Variants in THOC5 observed in about 807,000 individuals in gnomAD.
THOC5 encodes the protein Fms-interacting protein.
A neutral mutation model predicts 92.9 loss-of-function variants in THOC5; 43 were observed. That is an observed-to-expected ratio of 0.46 (90% CI 0.36 to 0.60). The LOEUF (loss-of-function observed/expected upper bound fraction) is 0.60, where lower values mean the gene tolerates loss of function less well. THOC5 is among the 20% of genes least tolerant of loss of function. THOC5 has a pLI of 0.00. For missense variants in THOC5, 659 were observed against 849.4 expected, an observed-to-expected ratio of 0.78 and a Z score of 2.79; for synonymous variants, 296 against 320.1, an observed-to-expected ratio of 0.92 and a Z score of 0.80.
chr22:29,528,108 G>C lies in THOC5; in HGVS notation c.1036C>G (p.Leu346Val). Residue 346 changes from leucine (L) to valine (V), a missense_variant, in exon 11 of 20, where the codon CTG becomes GTG. Leu to Val is a conservative substitution (Grantham distance 32, BLOSUM62 1). Transcript: ENST00000490103. The part of the protein sequence containing the change: ...KRKEMLKRHP[L>V]SVMLDLKCKD... ...CACTTCAGGTCGAGCATGACAGACA[G>C]TGGGTGCCTCTTCAGCATCTCCTTG... The C allele has an allele frequency of 6.2e-7, 1 of 1,614,206 alleles. No homozygotes were observed. The highest frequency in any genetic ancestry group is 8.5e-7 in the Non-Finnish European group (1 of 1,180,030).
intron 2 of THOC5, 63 bp from the exon 3 acceptor site, chr22:29,544,666 G>C (rs1467809587): frequency 1.4e-6 from 2 of 1,439,260 alleles, no homozygotes; most frequent in Admixed American, 4.9e-5. Flanking sequence ...TGGGATCAGG[G>C]ACACTTGGCT....
chr22:29,552,424 C>A (rs1409643225), intron 1 of THOC5, among the ~76,000 whole-genome samples: 1 of 151,818 alleles, frequency 6.6e-6, no homozygotes, highest in Non-Finnish European at 1.5e-5. Flanking sequence ...AGGAGCACCT[C>A]TGCCCGGCTG....
chr22:29,549,058 G>A lies in THOC5; in HGVS notation c.90C>T (p.Thr30=), dbSNP rs565641023. ...CAACCCTGACTGATCTCACCTGCTC[G>A]GTGTCAGATCGATTCCGCTTTCCTT... ...PAEGKRNRSD[T]EQEGKYYSEE... The change falls in exon 2 of 20, where the codon ACC becomes ACT. Residue 30 remains threonine, a synonymous_variant. Transcript: ENST00000490103. The A allele has an allele frequency of 1.4e-5, 23 of 1,613,968 alleles. No individual in the cohort carries two copies. In the East Asian group the frequency reaches 1.8e-4, roughly 13 times the overall value.
chr22:29,514,445 T>C (rs1323178499), intron 17 of THOC5, among the ~76,000 whole-genome samples: 3 of 149,390 alleles, frequency 2.0e-5, no homozygotes, highest in Non-Finnish European at 3.0e-5. Flanking sequence ...CCCTCCCGAG[T>C]AGCTGGGACT....
rs553994301 is a variant in THOC5, at chr22:29,507,168, T to C, written c.*1289A>G. The C allele has an allele frequency of 2.0e-5, 3 of 152,122 alleles. No individual in the cohort carries two copies. Among genetic ancestry groups the C allele is most frequent in the Admixed American group, 6.6e-5 (1 of 15,250 alleles). 9.4% of individuals were successfully genotyped at this position (152,122 alleles called of 1,614,324 possible). On this transcript the variant is annotated 3_prime_UTR_variant, in exon 20 of 20. Coordinates refer to ENST00000490103, the MANE Select transcript of THOC5 (RefSeq NM_003678.5). ...TTACAGTCATGAGTCCCTGCACAGA[T>C]TTTGTTCAATAAAAATAACAGTGGT...
chr22:29,508,877 C>T (rs1473908338), intron 19 of THOC5, among the ~76,000 whole-genome samples: 3 of 151,808 alleles, frequency 2.0e-5, no homozygotes, highest in African/African-American at 7.3e-5. Flanking sequence ...CTCACTGCAA[C>T]CCCTGCTTCC....
At chr22:29,544,720 C>T (rs2063978476) in intron 2 of THOC5, 117 bp from the exon 3 acceptor site, 1 of 1,074,016 alleles carries the variant, frequency 9.3e-7, no homozygotes, top group East Asian at 2.7e-5. Flanking sequence ...AAGCCTCAGT[C>T]AGGTCTCTAA....
At chr22:29,523,062 C>T (rs2063476059) in intron 12 of THOC5, among the ~76,000 whole-genome samples, 1 of 149,378 alleles carries the variant, frequency 6.7e-6, no homozygotes, top group Non-Finnish European at 1.5e-5. Flanking sequence ...GCCAACATGG[C>T]AAAACCCCAT....
chr22:29,528,987 C>T lies in THOC5; in HGVS notation c.925+175G>A, dbSNP rs58875601. ...AGTGGCAGGGCTGAAATCCACGGGC[C>T]GCACCTTGTGACTCCGGGAAGTGAG... On this transcript the variant is annotated intron_variant, in intron 9 of 19. Transcript: ENST00000490103. 1,278 of 633,684 alleles carry T rather than the reference C, an allele frequency of 2.0e-3. 12 individuals are homozygous for T. The African/African-American group carries it at 0.021, about 11-fold the overall frequency. 39.3% of individuals were successfully genotyped at this position (633,684 alleles called of 1,614,324 possible).
At chr22:29,538,477 A>G (rs553300888) in intron 6 of THOC5, among the ~76,000 whole-genome samples, 2 of 152,284 alleles carry the variant, frequency 1.3e-5, no homozygotes, top group East Asian at 3.9e-4. Flanking sequence ...GATTTATGGT[A>G]CAAAAGATAA....
intron 6 of THOC5, among the ~76,000 whole-genome samples, chr22:29,538,857 T>C (rs1448477937): frequency 7.8e-6 from 1 of 127,528 alleles, no homozygotes; most frequent in Admixed American, 8.4e-5. Flanking sequence ...ACGTCTGTAA[T>C]CCCAGCACTT....
rs749694898 is a variant in THOC5 at position 29,520,029 on chromosome 22, G to T, written c.1353C>A (p.His451Gln). The T allele has an allele frequency of 6.2e-7, 1 of 1,613,856 alleles. No homozygotes were observed. Among genetic ancestry groups the T allele is most frequent in the African/African-American group, 1.3e-5 (1 of 75,028 alleles). The change falls in exon 14 of 20, where the codon CAC becomes CAA. Residue 451 changes from histidine to glutamine, a missense_variant. Physicochemically the swap from His to Gln is conservative, Grantham distance 24. Coordinates refer to ENST00000490103, the MANE Select transcript of THOC5 (RefSeq NM_003678.5). ...YLWVQKLGGL[H>Q]FPKEQPQQTV... ...AGACCTGGGGCTGCTCTTTGGGGAAGTGGAGGCCACCCAGCTTCTGCACCC... is the reference window on the plus strand; with the variant it reads ...AGACCTGGGGCTGCTCTTTGGGGAATTGGAGGCCACCCAGCTTCTGCACCC...
intron 7 of THOC5, 181 bp downstream of exon 7, chr22:29,536,443 C>T: frequency 1.7e-6 from 1 of 586,312 alleles, no homozygotes. Flanking sequence ...ATTCCTGAGG[C>T]CAGCACTTCT....
chr22:29,515,963 A>G (rs1205662326), intron 17 of THOC5, among the ~76,000 whole-genome samples: 1 of 152,178 alleles, frequency 6.6e-6, no homozygotes, highest in Non-Finnish European at 1.5e-5. Context: ...ACATGCCTCT[A>G]CAAAAAAACA....
At chr22:29,539,109 C>CAAAAAAAA (rs373724250) in intron 6 of THOC5, among the ~76,000 whole-genome samples, 1 of 36,858 alleles carries the variant, frequency 2.7e-5, no homozygotes. Flanking sequence ...GACTCCATCT[C>CAAAAAAAA]AAAAAAAAAA....
intron 3 of THOC5, 103 bp from the exon 4 acceptor site, chr22:29,543,645 C>A (rs1312308377): frequency 5.9e-6 from 4 of 679,096 alleles, no homozygotes; most frequent in African/African-American, 5.5e-5. Flanking sequence ...AAAAACGGCA[C>A]CGGAGGGAGC....
At chr22:29,512,391 G>C (rs2063242117) in intron 17 of THOC5, among the ~76,000 whole-genome samples, 1 of 152,186 alleles carries the variant, frequency 6.6e-6, no homozygotes. Context: ...ACTCCCCAGA[G>C]TCTGGTCCAC....
At position 29,512,115 on chromosome 22, in the gene THOC5, A is replaced by G; in HGVS notation, c.1703T>C (p.Val568Ala). The G allele has an allele frequency of 1.2e-5, 20 of 1,614,074 alleles. No homozygotes were observed. Among genetic ancestry groups the G allele is most frequent in the Non-Finnish European group, 1.6e-5 (19 of 1,179,972 alleles). ...GATGGAGGAGTAGCCAGGGTTCAAC[A>G]CCACAGCGGCCTGCAGTTTGGCTGG... ...RGTAKLQAAVVLNPGYSSIPP... is the reference protein window; with the variant it reads ...RGTAKLQAAVALNPGYSSIPP... Residue 568 changes from valine (V) to alanine (A), a missense_variant, in exon 18 of 20, where the codon GTG becomes GCG. Coordinates refer to ENST00000490103, the MANE Select transcript of THOC5 (RefSeq NM_003678.5).
intron 13 of THOC5, 141 bp downstream of exon 13, chr22:29,520,857 A>G: frequency 1.5e-6 from 1 of 685,458 alleles, no homozygotes; most frequent in Non-Finnish European, 2.6e-6. Flanking sequence ...TAAGCAAGAA[A>G]GAACAAACAT....
Sources: gnomAD v4.1 joint callset for allele counts (sites outside exome capture counted in the v4.1 genomes callset) on GRCh38, gnomAD v4.1.1 for gene constraint, MANE v1.5 for transcripts, NCBI Gene and HGNC (gene_info 2026-07-23, HGNC 2026-07-21) for gene names.